Variants in IL1RL2 observed in about 807,000 individuals in gnomAD.
IL1RL2 encodes the protein interleukin 1 receptor like 2.
In IL1RL2, 68 loss-of-function variants were observed where a neutral mutation model predicts 66.8. That is an observed-to-expected ratio of 1.02 (90% CI 0.84 to 1.25). IL1RL2 has a LOEUF of 1.25. Ranked by LOEUF, IL1RL2 falls within the 50% of genes most tolerant of loss-of-function variation. The pLI is 0.00. For missense variants in IL1RL2, 729 were observed against 709.3 expected, an observed-to-expected ratio of 1.03 and a Z score of -0.32; for synonymous variants, 305 against 264.6, an observed-to-expected ratio of 1.15 and a Z score of -1.48.
At chr2:102,202,811 C>T (rs1186847235) in intron 5 of IL1RL2, among the ~76,000 whole-genome samples, 1 of 152,172 alleles carries the variant, frequency 6.6e-6, no homozygotes, top group South Asian at 2.1e-4. Flanking sequence ...AATATAAGAT[C>T]ATATCATTTG....
intron 4 of IL1RL2, among the ~76,000 whole-genome samples, chr2:102,196,914 A>G (rs922846902): frequency 6.6e-6 from 1 of 152,228 alleles, no homozygotes; most frequent in African/African-American, 2.4e-5. Flanking sequence ...GAGCAAATTC[A>G]CATTTGAGAA....
At chr2:102,213,082 T>G (rs575764607) in intron 6 of IL1RL2, among the ~76,000 whole-genome samples, 68 of 152,156 alleles carry the variant, frequency 4.5e-4, no homozygotes, top group African/African-American at 1.2e-3. Flanking sequence ...AAATAGAAAG[T>G]TTTATGTGTC....
At chr2:102,197,957 G>A (rs1272835167) in intron 4 of IL1RL2, among the ~76,000 whole-genome samples, 4 of 152,184 alleles carry the variant, frequency 2.6e-5, no homozygotes, top group African/African-American at 7.2e-5. Context: ...TTCTGGCCTC[G>A]ATGCCACTTC....
intron 2 of IL1RL2, 50 bp from the exon 3 acceptor site, chr2:102,189,026 T>C (rs1407852066): frequency 7.1e-7 from 1 of 1,403,518 alleles, no homozygotes; most frequent in Non-Finnish European, 9.9e-7. Flanking sequence ...TAAATAAAAC[T>C]GAAGTTTTCT....
At chr2:102,217,146 T>A (rs1213445068) in intron 6 of IL1RL2, among the ~76,000 whole-genome samples, 1 of 152,204 alleles carries the variant, frequency 6.6e-6, no homozygotes, top group Admixed American at 6.5e-5. Flanking sequence ...GTAAGGCTGG[T>A]CTAGCAGCAA....
intron 2 of IL1RL2, among the ~76,000 whole-genome samples, chr2:102,188,347 G>T (rs1429501379): frequency 6.6e-6 from 1 of 152,142 alleles, no homozygotes; most frequent in Admixed American, 6.5e-5. Context: ...TACTTTGGGA[G>T]GCCAAGGCGG....
Position 102,234,898 on chromosome 2 carries a change from C to G in IL1RL2, c.1299C>G (p.Ala433=), listed in dbSNP as rs184339998. 3.8e-5 allele frequency: 61 copies of G among 1,609,704 alleles called. No homozygotes were observed. In the South Asian group the frequency reaches 6.5e-4, roughly 17 times the overall value. Residue 433 remains alanine (A), a splice_region_variant and synonymous_variant, in exon 11 of 12, where the codon GCC becomes GCG. Coordinates refer to ENST00000264257, the MANE Select transcript of IL1RL2 (RefSeq NM_003854.4). The stretch of plus-strand genomic sequence containing the variant: ...TGAGCCTTCTTTCTTTATTTCCAGC[C>G]GTGGCCAATGTCATCGATGAAAACG... The part of the protein sequence containing the change: ...IFGRDEFPGQ[A]VANVIDENVK...
chr2:102,206,036 T>G (rs1482406375), intron 5 of IL1RL2, among the ~76,000 whole-genome samples: 1 of 152,128 alleles, frequency 6.6e-6, no homozygotes, highest in Admixed American at 6.5e-5. Flanking sequence ...CTCTGATGCA[T>G]TCTTCAATAT....
chr2:102,206,221 T>C (rs1298178015), intron 5 of IL1RL2, among the ~76,000 whole-genome samples: 1 of 152,204 alleles, frequency 6.6e-6, no homozygotes, highest in Non-Finnish European at 1.5e-5. Context: ...ATCACATATC[T>C]CTGTTCCTTC....
chr2:102,232,883 T>C (rs1691257042), intron 9 of IL1RL2, 80 bp from the exon 10 acceptor site: 1 of 1,506,084 alleles, frequency 6.6e-7, no homozygotes, highest in African/African-American at 1.4e-5. Context: ...GACACCATGG[T>C]AGCCGCTCAG....
At chr2:102,208,769 T>C (rs1300842983) in intron 5 of IL1RL2, among the ~76,000 whole-genome samples, 1 of 152,282 alleles carries the variant, frequency 6.6e-6, no homozygotes, top group Non-Finnish European at 1.5e-5. Context: ...CTAGTCCTCC[T>C]ATGTTCTTTG....
chr2:102,222,230 C>T (rs941836938), intron 8 of IL1RL2, among the ~76,000 whole-genome samples: 5 of 152,030 alleles, frequency 3.3e-5, no homozygotes, highest in Non-Finnish European at 7.4e-5. Flanking sequence ...TTTACGTTGC[C>T]GTATCCTAGT....
At chr2:102,194,099 C>G (rs2104721619) in intron 4 of IL1RL2, among the ~76,000 whole-genome samples, 1 of 152,318 alleles carries the variant, frequency 6.6e-6, no homozygotes, top group East Asian at 1.9e-4. Flanking sequence ...ACTAGCACCT[C>G]CGAAGGCCCA....
At chr2:102,200,749 G>A (rs1159997404) in intron 4 of IL1RL2, among the ~76,000 whole-genome samples, 2 of 152,090 alleles carry the variant, frequency 1.3e-5, no homozygotes, top group African/African-American at 2.4e-5. Flanking sequence ...GCCTAGGACA[G>A]GACAGAGAAA....
chr2:102,209,846 G>A (rs1030464094), intron 5 of IL1RL2, among the ~76,000 whole-genome samples: 3 of 152,128 alleles, frequency 2.0e-5, no homozygotes, highest in Non-Finnish European at 2.9e-5. Context: ...GGCCATGGGG[G>A]AGCTCTCCTT....
chr2:102,210,317 G>A (rs904397039), intron 5 of IL1RL2, among the ~76,000 whole-genome samples: 4 of 152,092 alleles, frequency 2.6e-5, no homozygotes, highest in Non-Finnish European at 4.4e-5. Flanking sequence ...GTAAGTAGTC[G>A]GGGGCCAAGA....
chr2:102,191,079 A>G (rs1334714104), intron 3 of IL1RL2, among the ~76,000 whole-genome samples: 1 of 152,120 alleles, frequency 6.6e-6, no homozygotes, highest in African/African-American at 2.4e-5. Flanking sequence ...ATATTTTTAC[A>G]TTTATCTTAT....
chr2:102,209,086 A>G (rs982766672), intron 5 of IL1RL2, among the ~76,000 whole-genome samples: 3 of 152,206 alleles, frequency 2.0e-5, no homozygotes, highest in Non-Finnish European at 4.4e-5. Context: ...GTAAGGTGAA[A>G]TTGCTCAGGT....
At chr2:102,240,414 G>A (rs1206759138), downstream of IL1RL2, among the ~76,000 whole-genome samples, 4 of 120,566 alleles carry the variant, frequency 3.3e-5, no homozygotes, top group Admixed American at 2.2e-4. Context: ...TTTTGTCACC[G>A]AGGCTGGGAT....
Sources: allele counts gnomAD v4.1 joint callset (sites outside exome capture counted in the v4.1 genomes callset), GRCh38; gene constraint gnomAD v4.1.1; transcripts MANE v1.5; gene names NCBI Gene and HGNC (gene_info 2026-07-23, HGNC 2026-07-21).